Variants in SNTG1 observed in about 807,000 individuals in gnomAD.
SNTG1 encodes the protein syntrophin gamma 1, also known as gamma-1-syntrophin.
SNTG1 carries 39 observed loss-of-function variants against 74.7 expected under a neutral mutation model. That is an observed-to-expected ratio of 0.52 (90% CI 0.40 to 0.68). The LOEUF is 0.68. SNTG1 is among the 30% of genes least tolerant of loss of function. SNTG1 has a pLI of 0.00. For synonymous variants in SNTG1, 254 were observed against 217.1 expected (o/e 1.17, Z -1.49); for missense variants, 685 against 609.5 (o/e 1.12, Z -1.30).
At chr8:50,430,975 AG>A (rs1279552084) in intron 4 of SNTG1, among the ~76,000 whole-genome samples, 2 of 152,158 alleles carry the variant, frequency 1.3e-5, no homozygotes, top group African/African-American at 4.8e-5. Context: ...CAGTTCCTTT[AG>A]CCTTTCATCT....
intron 12 of SNTG1, among the ~76,000 whole-genome samples, chr8:50,561,179 A>C (rs563331236): frequency 6.6e-6 from 1 of 152,076 alleles, no homozygotes; most frequent in African/African-American, 2.4e-5. Context: ...TGATGGTTTT[A>C]AAAGTGTGTG....
At chr8:49,986,774 G>A (rs955825590) in intron 1 of SNTG1, among the ~76,000 whole-genome samples, 14 of 151,326 alleles carry the variant, frequency 9.3e-5, no homozygotes, top group Admixed American at 4.6e-4. Flanking sequence ...CCAGCTGCTC[G>A]GGAGGCAGAG....
At chr8:50,328,782 T>C (rs1433930072) in intron 2 of SNTG1, among the ~76,000 whole-genome samples, 2 of 152,148 alleles carry the variant, frequency 1.3e-5, no homozygotes, top group African/African-American at 4.8e-5. Flanking sequence ...CTCATGTATT[T>C]TCACATTTCA....
rs1424217147 is a variant in SNTG1, at chr8:49,938,577, C to CTT, written c.-103+26349_-103+26350dup. On this transcript the variant is annotated intron_variant, in intron 1 of 18. Coordinates refer to ENST00000642720, the MANE Select transcript of SNTG1 (RefSeq NM_018967.5). ...CTTTTGTTTTCTTTTCTTTTCTTTT[C>CTT]TTTTCTTTTCTTTTCTTTTCTTTTC... Among the ~76,000 whole-genome samples the CTT allele has an allele frequency of 6.4e-3, 163 of 25,370 alleles. 8 individuals carry two copies. The South Asian group carries it at 0.24, about 38-fold the overall frequency. The allele number at this position is 25,370 out of a possible 152,430, so 16.6% of individuals were successfully genotyped here.
At chr8:50,213,076 T>C (rs1037297011) in intron 2 of SNTG1, among the ~76,000 whole-genome samples, 1 of 152,218 alleles carries the variant, frequency 6.6e-6, no homozygotes, top group Non-Finnish European at 1.5e-5. Flanking sequence ...CTTTGCAGTG[T>C]TCACATATAT....
intron 12 of SNTG1, among the ~76,000 whole-genome samples, chr8:50,576,034 T>C (rs1225468918): frequency 6.6e-6 from 1 of 152,162 alleles, no homozygotes; most frequent in Non-Finnish European, 1.5e-5. Flanking sequence ...ATTTGGAAAA[T>C]TTTCAGCTCT....
chr8:50,164,066 G>T, intron 1 of SNTG1: 1 of 141,736 alleles, frequency 7.1e-6, no homozygotes, highest in South Asian at 2.3e-4. Context: ...ATTGATCTCA[G>T]AGACTTTGAT....
intron 1 of SNTG1, among the ~76,000 whole-genome samples, chr8:50,041,747 T>C: frequency 6.6e-6 from 1 of 152,216 alleles, no homozygotes; most frequent in East Asian, 1.9e-4. Context: ...AACTAGTTTC[T>C]AGATGTGGTA....
At chr8:50,243,840 A>G (rs2084632574) in intron 2 of SNTG1, among the ~76,000 whole-genome samples, 1 of 152,210 alleles carries the variant, frequency 6.6e-6, no homozygotes, top group South Asian at 2.1e-4. Flanking sequence ...GGATAGGAAT[A>G]ACTGATATAT....
intron 3 of SNTG1, among the ~76,000 whole-genome samples, chr8:50,395,506 G>GGTTTTGT (rs58030144): frequency 2.2e-5 from 3 of 135,656 alleles, no homozygotes; most frequent in African/African-American, 8.2e-5. Context: ...TCTAATTTCT[G>GGTTTTGT]TTTTTTTTTT....
intron 12 of SNTG1, among the ~76,000 whole-genome samples, chr8:50,580,955 G>A (rs77755259): frequency 0.046 from 6,946 of 152,148 alleles, 281 homozygotes; most frequent in African/African-American, 0.1. Flanking sequence ...AGAGACACAT[G>A]GGCCAGGATG....
chr8:50,559,941 T>C (rs1261857790), intron 12 of SNTG1, among the ~76,000 whole-genome samples: 5 of 152,100 alleles, frequency 3.3e-5, no homozygotes, highest in African/African-American at 9.7e-5. Flanking sequence ...ACAGACAACC[T>C]ACAGAATGGG....
Position 50,640,317 on chromosome 8 carries a change from AG to A in SNTG1, c.850-16590del, listed in dbSNP as rs530445783. On this transcript the variant is annotated intron_variant, in intron 13 of 18. Coordinates refer to ENST00000642720, the MANE Select transcript of SNTG1 (RefSeq NM_018967.5). The stretch of plus-strand genomic sequence containing the variant: ...ACAGGTTGAAAGACTTATAATAACA[AG>A]GTCAGTCATCTACAAAGCCTCTCTT... 1.4e-3 allele frequency among the ~76,000 whole-genome samples: 220 copies of A among 152,276 alleles called. 2 individuals are homozygous for A. The highest frequency in any genetic ancestry group is 0.01 in the Middle Eastern group (3 of 294).
chr8:50,070,489 A>G (rs1171203927), intron 1 of SNTG1, among the ~76,000 whole-genome samples: 2 of 152,202 alleles, frequency 1.3e-5, no homozygotes, highest in Non-Finnish European at 2.9e-5. Flanking sequence ...AAACCATTAA[A>G]TCAGATGACA....
chr8:50,247,109 T>G (rs2086435884), intron 2 of SNTG1, among the ~76,000 whole-genome samples: 1 of 152,214 alleles, frequency 6.6e-6, no homozygotes, highest in African/African-American at 2.4e-5. Flanking sequence ...CTATTGTTTC[T>G]GATCTTAGTC....
intron 2 of SNTG1, among the ~76,000 whole-genome samples, chr8:50,342,854 G>A (rs544741687): frequency 1.3e-5 from 2 of 152,252 alleles, no homozygotes; most frequent in African/African-American, 4.8e-5. Flanking sequence ...GAAAGGGAGA[G>A]CAGTCTCATC....
At chr8:50,413,505 C>T (rs959631770) in intron 4 of SNTG1, among the ~76,000 whole-genome samples, 5 of 152,134 alleles carry the variant, frequency 3.3e-5, no homozygotes, top group Non-Finnish European at 5.9e-5. Flanking sequence ...TTTCAGAATC[C>T]ATGCCCATCC....
intron 2 of SNTG1, among the ~76,000 whole-genome samples, chr8:50,379,159 A>G (rs1364492830): frequency 2.6e-5 from 4 of 152,192 alleles, no homozygotes; most frequent in Non-Finnish European, 4.4e-5. Flanking sequence ...AGGCAGCTGA[A>G]GTGGCAAAGG....
chr8:50,530,341 G>C lies in SNTG1; in HGVS notation c.549+82G>C, dbSNP rs544350687. On this transcript the variant is annotated intron_variant, in intron 10 of 18. Transcript: ENST00000642720. Reference sequence around the variant, plus strand: ...AACTGCTAGTGAATCTGATTTATCTGACAGATAGGAAATCCCTGGTTGCAT... The same window carrying C: ...AACTGCTAGTGAATCTGATTTATCTCACAGATAGGAAATCCCTGGTTGCAT... 6.3e-6 allele frequency: 8 copies of C among 1,272,980 alleles called. No homozygotes were observed. The East Asian group carries it at 1.6e-4, about 26-fold the overall frequency. 78.9% of individuals were successfully genotyped at this position (1,272,980 alleles called of 1,614,324 possible). A position where few individuals can be genotyped will look rare whatever the true frequency, so the allele number is the denominator to read the frequency against.
Sources: allele counts gnomAD v4.1 joint callset (sites outside exome capture counted in the v4.1 genomes callset), GRCh38; gene constraint gnomAD v4.1.1; transcripts MANE v1.5; gene names NCBI Gene and HGNC (gene_info 2026-07-23, HGNC 2026-07-21).